PCDHAC2: variants seen among roughly 807,000 people sequenced by gnomAD.
PCDHAC2 encodes the protein protocadherin alpha-C2.
PCDHAC2 carries 24 observed loss-of-function variants against 63.3 expected under a neutral mutation model. The observed-to-expected ratio is 0.38, with a 90% CI of 0.27 to 0.53. The LOEUF (loss-of-function observed/expected upper bound fraction) is 0.53, where lower values mean the gene tolerates loss of function less well. Among genes scored for constraint, PCDHAC2 ranks in the 20% least tolerant of loss-of-function variants. PCDHAC2 has a pLI of 0.81. For synonymous variants in PCDHAC2, 569 were observed against 529.4 expected, an observed-to-expected ratio of 1.07 and a Z score of -1.03; for missense variants, 1,181 against 1,275.2, an observed-to-expected ratio of 0.93 and a Z score of 1.12.
chr5:140,970,096 T>C (rs2096383552), intron 1 of PCDHAC2, among the ~76,000 whole-genome samples: 1 of 152,066 alleles, frequency 6.6e-6, no homozygotes, highest in South Asian at 2.1e-4. Flanking sequence ...GGGGGGATGG[T>C]GAAGACCAAG....
At chr5:140,985,684 C>T (rs2097164164) in intron 3 of PCDHAC2, among the ~76,000 whole-genome samples, 1 of 151,578 alleles carries the variant, frequency 6.6e-6, no homozygotes, top group Non-Finnish European at 1.5e-5. Flanking sequence ...CTGCCTTACG[C>T]TAATCCTCGT....
rs782320507 is a variant in PCDHAC2, at chr5:140,969,215, C to A, written c.2449C>A (p.Pro817Thr). The change falls in exon 1 of 4, where the codon CCA (proline) becomes ACA (threonine). Residue 817 changes from proline (P) to threonine (T), a missense_variant. Around this residue, in one of 3 missense-constraint regions of PCDHAC2, gnomAD observed 968 missense variants for 1,073.5 expected, o/e 0.90. Transcript: ENST00000289269. ...TTACAATACAGGGGCCCAGACAGGA[C>A]CAGGGCCTTCGGGAGCCCAAGCAGC... ...MFYNTGAQTG[P>T]GPSGAQAAVT... 6.2e-7 allele frequency: 1 copy of A among 1,614,010 alleles called. No individual in the cohort carries two copies. Among genetic ancestry groups the A allele is most frequent in the Admixed American group, 1.7e-5 (1 of 59,994 alleles).
chr5:140,994,732 G>T (rs1159331502), intron 3 of PCDHAC2, among the ~76,000 whole-genome samples: 3 of 152,114 alleles, frequency 2.0e-5, no homozygotes, highest in Non-Finnish European at 4.4e-5. Flanking sequence ...ACTGGGTATT[G>T]CAGGATGGCA....
At chr5:140,994,562 G>A (rs1554254244) in intron 3 of PCDHAC2, among the ~76,000 whole-genome samples, 2 of 152,094 alleles carry the variant, frequency 1.3e-5, no homozygotes, top group Non-Finnish European at 2.9e-5. Context: ...AAAATTAGCC[G>A]GGTGTGGTGG....
chr5:141,010,353 G>T lies in PCDHAC2; in HGVS notation c.*416G>T. On this transcript the variant is annotated 3_prime_UTR_variant, in exon 4 of 4. Transcript: ENST00000289269. Reference sequence around the variant, plus strand: ...AGTTTGTGGCCACTGGGTATGTGTGGCTACCGCGGGTATGCGAGTGCCAGA... The same window carrying T: ...AGTTTGTGGCCACTGGGTATGTGTGTCTACCGCGGGTATGCGAGTGCCAGA... The T allele has an allele frequency of 6.6e-7, 1 of 1,507,486 alleles. No homozygotes were observed. Among genetic ancestry groups the T allele is most frequent in the Non-Finnish European group, 8.9e-7 (1 of 1,128,244 alleles). 93.4% of individuals were successfully genotyped at this position (1,507,486 alleles called of 1,614,324 possible).
intron 3 of PCDHAC2, among the ~76,000 whole-genome samples, chr5:140,999,702 T>A (rs78322991): frequency 6.6e-6 from 1 of 152,136 alleles, no homozygotes; most frequent in South Asian, 2.1e-4. Context: ...GATTTTTTTT[T>A]AGCTAACTAC....
rs551502223 is a variant in PCDHAC2 at position 140,976,924 on chromosome 5, T to G, written c.2566-2025T>G. ...TGTAATAAAGTGCAAAATCTAGTAC[T>G]GTGTAGCTACTTAAAACATATTATA... is the stretch of plus-strand genomic sequence containing the variant. On this transcript the variant is annotated intron_variant, in intron 1 of 3. Coordinates refer to ENST00000289269, the MANE Select transcript of PCDHAC2 (RefSeq NM_018899.6). 1.6e-4 allele frequency among the ~76,000 whole-genome samples: 25 copies of G among 152,364 alleles called. No homozygotes were observed. In the South Asian group the frequency reaches 5.2e-3, roughly 32 times the overall value.
chr5:140,969,251 A>T lies in PCDHAC2; in HGVS notation c.2485A>T (p.Ser829Cys). ...GGGAGCCCAAGCAGCAGTGACTGACAGCAGGAATCTCACAGGCCAAAGTGG... is the reference window on the plus strand; with the variant it reads ...GGGAGCCCAAGCAGCAGTGACTGACTGCAGGAATCTCACAGGCCAAAGTGG... ...PSGAQAAVTD[S>C]RNLTGQSGQN... is the part of the protein sequence containing the mutation. Residue 829 changes from serine to cysteine, a missense_variant, in exon 1 of 4, where the codon AGC (serine) becomes TGC (cysteine). This residue lies in a region of PCDHAC2 where 968 missense variants were observed against 1,073.5 expected (regional missense o/e 0.90). Transcript: ENST00000289269. The T allele has an allele frequency of 1.9e-6, 3 of 1,614,262 alleles. No homozygotes were observed. Among genetic ancestry groups the T allele is most frequent in the Non-Finnish European group, 2.5e-6 (3 of 1,180,046 alleles).
At chr5:140,995,543 G>T (rs1243799532) in intron 3 of PCDHAC2, among the ~76,000 whole-genome samples, 1 of 152,144 alleles carries the variant, frequency 6.6e-6, no homozygotes, top group African/African-American at 2.4e-5. Flanking sequence ...AATAAGGGGC[G>T]ATCACTGTAC....
chr5:140,970,641 T>C (rs1430565577), intron 1 of PCDHAC2, among the ~76,000 whole-genome samples: 1 of 152,170 alleles, frequency 6.6e-6, no homozygotes, highest in African/African-American at 2.4e-5. Context: ...GTACCATAAA[T>C]AGTGATGAAT....
At chr5:141,006,634 A>G (rs1324728437) in intron 3 of PCDHAC2, among the ~76,000 whole-genome samples, 4 of 152,220 alleles carry the variant, frequency 2.6e-5, no homozygotes, top group Non-Finnish European at 5.9e-5. Flanking sequence ...GCTGCAATTC[A>G]TATAAGAGAT....
chr5:140,996,976 G>T (rs573896136), intron 3 of PCDHAC2, among the ~76,000 whole-genome samples: 1 of 151,960 alleles, frequency 6.6e-6, no homozygotes, highest in Non-Finnish European at 1.5e-5. Context: ...CTCCCCTTTG[G>T]TGAAGCAACC....
At chr5:140,982,650 CTCTTTT>C (rs2096993978) in intron 3 of PCDHAC2, 87 bp downstream of exon 3, 1 of 1,507,000 alleles carries the variant, frequency 6.6e-7, no homozygotes, top group South Asian at 1.3e-5. Context: ...ATGTTGATGG[CTCTTTT>C]TCTTTTATAT....
chr5:140,966,680 A>AGCG lies in PCDHAC2; in HGVS notation c.-85_-83dup. On this transcript the variant is annotated 5_prime_UTR_variant, in exon 1 of 4. Transcript: ENST00000289269. Reference sequence around the variant, plus strand: ...GGGGGAGCAGGCGCAGGGTGGCACGAGCGGAGGCGGGGCCCGGGCGTGGGG... The same window carrying AGCG: ...GGGGGAGCAGGCGCAGGGTGGCACGAGCGGCGGAGGCGGGGCCCGGGCGTGGGG... 7.6e-7 allele frequency: 1 copy of AGCG among 1,317,158 alleles called. No homozygotes were observed. The highest frequency in any genetic ancestry group is 9.8e-7 in the Non-Finnish European group (1 of 1,021,470). The allele number at this position is 1,317,158 out of a possible 1,614,324, so 81.6% of individuals were successfully genotyped here. A position where few individuals can be genotyped will look rare whatever the true frequency, so the allele number is the denominator to read the frequency against.
intron 1 of PCDHAC2, among the ~76,000 whole-genome samples, chr5:140,970,594 T>C (rs975404675): frequency 6.6e-6 from 1 of 152,206 alleles, no homozygotes; most frequent in Admixed American, 6.5e-5. Flanking sequence ...ATATGCTTTG[T>C]GATACTTAAA....
At chr5:141,000,419 ATATTTTTTT>A (rs2097927194) in intron 3 of PCDHAC2, among the ~76,000 whole-genome samples, 6 of 60,996 alleles carry the variant, frequency 9.8e-5, no homozygotes, top group Non-Finnish European at 1.1e-4. Flanking sequence ...ATATATATAT[ATATTTTTTT>A]TTTTTTTTTT....
intron 2 of PCDHAC2, 142 bp from the exon 3 acceptor site, chr5:140,982,333 A>C (rs2096978357): frequency 1.4e-6 from 2 of 1,438,566 alleles, no homozygotes; most frequent in Admixed American, 4.6e-5. Context: ...ACTGCTCAGC[A>C]GTAATTGCTT....
intron 2 of PCDHAC2, among the ~76,000 whole-genome samples, chr5:140,979,710 A>C (rs1178718053): frequency 1.3e-5 from 2 of 152,268 alleles, no homozygotes; most frequent in African/African-American, 4.8e-5. Flanking sequence ...GAGGTGATCC[A>C]GTATCCATGC....
At chr5:140,971,895 T>C (rs1554233682) in intron 1 of PCDHAC2, among the ~76,000 whole-genome samples, 2 of 151,872 alleles carry the variant, frequency 1.3e-5, no homozygotes, top group Non-Finnish European at 2.9e-5. Context: ...TCAGGGAGGT[T>C]AGGTAATCTA....
Sources: allele counts gnomAD v4.1 joint callset (sites outside exome capture counted in the v4.1 genomes callset), GRCh38; gene constraint gnomAD v4.1.1; regional missense constraint gnomAD v4.1.1; transcripts MANE v1.5; gene names NCBI Gene and HGNC (gene_info 2026-07-23, HGNC 2026-07-21).